The following KAT6B variants were observed in gnomAD, a reference collection of about 807,000 sequenced individuals.
KAT6B encodes the protein histone acetyltransferase KAT6B.
In KAT6B, 10 loss-of-function variants were observed where a neutral mutation model predicts 187.5. That is an observed-to-expected ratio of 0.05 (90% CI 0.03 to 0.09). The LOEUF (loss-of-function observed/expected upper bound fraction) is 0.09, where lower values mean the gene tolerates loss of function less well. KAT6B is among the 10% of genes least tolerant of loss of function. The pLI, the probability that KAT6B is intolerant of heterozygous loss-of-function variation, is 1.00. For missense variants in KAT6B, 1,952 were observed against 2,558.9 expected (o/e 0.76, Z 5.12); for synonymous variants, 861 against 926.8 (o/e 0.93, Z 1.29).
intron 13 of KAT6B, among the ~76,000 whole-genome samples, chr10:75,007,583 G>T (rs1844304219): frequency 6.6e-6 from 1 of 152,072 alleles, no homozygotes; most frequent in South Asian, 2.1e-4. Flanking sequence ...GAAAGGAGAG[G>T]TGATTGGCTG....
chr10:74,898,000 T>C (rs1846106193), intron 3 of KAT6B, among the ~76,000 whole-genome samples: 1 of 152,166 alleles, frequency 6.6e-6, no homozygotes, highest in South Asian at 2.1e-4. Flanking sequence ...TTTTAAATTA[T>C]TTTGTTCAGC....
intron 13 of KAT6B, among the ~76,000 whole-genome samples, chr10:75,005,576 G>GGTTC (rs1290760664): frequency 6.6e-6 from 1 of 152,064 alleles, no homozygotes; most frequent in African/African-American, 2.4e-5. Context: ...TTGGTTGGTT[G>GGTTC]GTTGGTTGTT....
intron 13 of KAT6B, among the ~76,000 whole-genome samples, chr10:74,995,083 A>G (rs1843343391): frequency 6.6e-6 from 1 of 152,070 alleles, no homozygotes; most frequent in African/African-American, 2.4e-5. Flanking sequence ...GACAGTGAGA[A>G]CCCTGACTTC....
chr10:75,001,893 G>A (rs1185108919), intron 13 of KAT6B, among the ~76,000 whole-genome samples: 1 of 152,076 alleles, frequency 6.6e-6, no homozygotes, highest in Non-Finnish European at 1.5e-5. Flanking sequence ...AGGAGCCACC[G>A]GCTTCTCCCA....
chr10:74,914,917 CCATCT>C (rs199915912), intron 3 of KAT6B, among the ~76,000 whole-genome samples: 2,683 of 151,978 alleles, frequency 0.018, 28 homozygotes, highest in Non-Finnish European at 0.026. Context: ...CACAGGCACT[CCATCT>C]CTTTAAAATA....
Position 75,030,693 on chromosome 10 carries a change from C to T in KAT6B, c.5869C>T (p.Arg1957Trp), listed in dbSNP as rs1215579099. 3 of 1,614,064 alleles carry T rather than the reference C, an allele frequency of 1.9e-6. No homozygotes were observed. The highest frequency in any genetic ancestry group is 1.3e-5 in the African/African-American group (1 of 74,920). Residue 1957 changes from arginine to tryptophan, a missense_variant, in exon 18 of 18, where the codon CGG (arginine) becomes TGG (tryptophan). This residue lies in a region of KAT6B where 358 missense variants were observed against 436.3 expected (regional missense o/e 0.82). Coordinates refer to ENST00000287239, the MANE Select transcript of KAT6B (RefSeq NM_012330.4). The surrounding 1 kb of genome is among the most constrained non-coding windows in gnomAD (Gnocchi z 4.8). ...SQTVAMQGPA[R>W]TLTMQRGMNM... ...GACTGTAGCCATGCAGGGTCCTGCA[C>T]GGACTTTAACGATGCAAAGAGGCAT...
intron 3 of KAT6B, among the ~76,000 whole-genome samples, chr10:74,931,532 G>C (rs1404443056): frequency 6.6e-6 from 1 of 152,130 alleles, no homozygotes; most frequent in Admixed American, 6.6e-5. Context: ...TATTAAATAT[G>C]CTGCCACTCA....
At chr10:74,972,380 G>A (rs113338879) in intron 6 of KAT6B, 127 bp from the exon 7 acceptor site, 42 of 680,256 alleles carry the variant, frequency 6.2e-5, no homozygotes, top group East Asian at 2.6e-4. Context: ...AGGGAATGAC[G>A]CATTTTTTGG....
At chr10:74,873,021 C>T (rs980543642) in intron 3 of KAT6B, among the ~76,000 whole-genome samples, 6 of 152,098 alleles carry the variant, frequency 3.9e-5, no homozygotes, top group South Asian at 2.1e-4. Context: ...TGTTCTTAAG[C>T]GGGGTGAATG....
Position 74,910,833 on chromosome 10 carries a change from TA to T in KAT6B, c.622-49135del, listed in dbSNP as rs1847149995. Reference sequence around the variant, plus strand: ...GCATGGAGTAAATACAGATAGCACATAACAGCTATATGCATTCTCTTAAATT... The same window carrying T: ...GCATGGAGTAAATACAGATAGCACATACAGCTATATGCATTCTCTTAAATT... On this transcript the variant is annotated intron_variant, in intron 3 of 17. Transcript: ENST00000287239. 3.9e-5 allele frequency among the ~76,000 whole-genome samples: 6 copies of T among 152,192 alleles called. No individual in the cohort carries two copies. In the South Asian group the frequency reaches 1.2e-3, roughly 32 times the overall value.
chr10:74,828,420 A>C (rs1326917153), intron 1 of KAT6B, among the ~76,000 whole-genome samples: 1 of 148,658 alleles, frequency 6.7e-6, no homozygotes, highest in Non-Finnish European at 1.5e-5. Context: ...GTGTTCGAAC[A>C]GTCTTAGTTC....
chr10:74,928,861 T>C (rs1032477722), intron 3 of KAT6B, among the ~76,000 whole-genome samples: 38 of 152,216 alleles, frequency 2.5e-4, no homozygotes, highest in Admixed American at 5.2e-4. Flanking sequence ...CTTTGATAAG[T>C]ACAAGATGGT....
chr10:74,953,604 TG>T (rs998501099), intron 3 of KAT6B, among the ~76,000 whole-genome samples: 7 of 152,216 alleles, frequency 4.6e-5, no homozygotes, highest in African/African-American at 7.2e-5. Flanking sequence ...TAAAATGGTA[TG>T]TTTTTTTAAG....
intron 3 of KAT6B, among the ~76,000 whole-genome samples, chr10:74,921,653 T>C (rs890561535): frequency 7.2e-5 from 11 of 152,246 alleles, no homozygotes; most frequent in Non-Finnish European, 5.9e-5. Flanking sequence ...ATACTCATCC[T>C]TGCTTGTGTG....
chr10:74,840,511 G>A (rs1332112990), intron 2 of KAT6B, among the ~76,000 whole-genome samples: 1 of 152,214 alleles, frequency 6.6e-6, no homozygotes, highest in East Asian at 1.9e-4. Flanking sequence ...GCAGATTTTT[G>A]CTTCTCTGAG....
At chr10:74,861,617 T>G (rs1202768999) in intron 3 of KAT6B, among the ~76,000 whole-genome samples, 1 of 152,178 alleles carries the variant, frequency 6.6e-6, no homozygotes, top group Non-Finnish European at 1.5e-5. Context: ...GCATCCAAGC[T>G]CCTTGATCTG....
intron 4 of KAT6B, among the ~76,000 whole-genome samples, chr10:74,968,721 T>C (rs1420153459): frequency 1.3e-5 from 2 of 152,160 alleles, no homozygotes; most frequent in African/African-American, 2.4e-5. Flanking sequence ...AAAAATAAAA[T>C]CAAGTTTGGA....
Position 74,843,212 on chromosome 10 carries a change from G to C in KAT6B, c.355G>C (p.Glu119Gln), listed in dbSNP as rs377346332. 1.9e-6 allele frequency: 3 copies of C among 1,614,110 alleles called. No homozygotes were observed. The highest frequency in any genetic ancestry group is 3.3e-5 in the Admixed American group (2 of 60,010). Reference protein sequence around the residue: ...KLLRRAIEGLEEPNGSSLKNI... With the variant: ...KLLRRAIEGLQEPNGSSLKNI... ...TTTAAGGAGAGCAATTGAAGGACTT[G>C]AGGAGCCGAATGGCTCCTCCCTGAA... Residue 119 changes from glutamate to glutamine, a missense_variant, in exon 3 of 18, where the codon GAG becomes CAG. Glu to Gln is a conservative substitution (Grantham distance 29). Transcript: ENST00000287239.
chr10:74,848,031 G>C (rs949832733), intron 3 of KAT6B, among the ~76,000 whole-genome samples: 2 of 149,626 alleles, frequency 1.3e-5, no homozygotes, highest in African/African-American at 4.9e-5. Context: ...TGACTCTTCT[G>C]CCTCAGCCTC....
Sources: gnomAD v4.1 joint callset for allele counts (sites outside exome capture counted in the v4.1 genomes callset) on GRCh38, gnomAD v4.1.1 for gene constraint, gnomAD v4.1.1 regional missense constraint, Gnocchi (gnomAD v3.1) non-coding constraint, MANE v1.5 for transcripts, NCBI Gene and HGNC (gene_info 2026-07-23, HGNC 2026-07-21) for gene names.